Variants in ERC2 observed in about 807,000 individuals in gnomAD.
The protein encoded by ERC2 is ELKS/RAB6-interacting/CAST family member 2.
In ERC2, 42 loss-of-function variants were observed where a neutral mutation model predicts 114.8. That is an observed-to-expected ratio of 0.37 (90% confidence interval 0.29 to 0.47). The LOEUF is 0.47. ERC2 is among the 20% of genes least tolerant of loss of function. ERC2 has a pLI of 0.99. For missense variants in ERC2, 939 were observed against 1,150.7 expected (o/e 0.82, Z 2.66); for synonymous variants, 454 against 425.5 (o/e 1.07, Z -0.82).
rs574032900 is a variant in ERC2 at position 56,305,831 on chromosome 3, A to T, written c.658-9396T>A. 2.2e-3 allele frequency among the ~76,000 whole-genome samples: 335 copies of T among 152,286 alleles called. 3 individuals carry two copies. Among genetic ancestry groups the T allele is most frequent in the South Asian group, 0.021 (103 of 4,832 alleles). Reference sequence around the variant, plus strand: ...TAGTGGAACACAGCCATATCCATTGACATATATATTGTCTTTTTTTTGTTT... The same window carrying T: ...TAGTGGAACACAGCCATATCCATTGTCATATATATTGTCTTTTTTTTGTTT... On this transcript the variant is annotated intron_variant, in intron 2 of 17. Coordinates refer to ENST00000288221, the MANE Select transcript of ERC2 (RefSeq NM_015576.3).
intron 14 of ERC2, among the ~76,000 whole-genome samples, chr3:55,878,856 A>G (rs1004291216): frequency 2.0e-5 from 3 of 152,208 alleles, no homozygotes; most frequent in Admixed American, 6.5e-5. Flanking sequence ...CAAGGCAGGG[A>G]TAGTGAAGGA....
chr3:55,893,492 A>T (rs1231909793), intron 13 of ERC2, among the ~76,000 whole-genome samples: 1 of 152,058 alleles, frequency 6.6e-6, no homozygotes, highest in African/African-American at 2.4e-5. Context: ...TGGATGTCCT[A>T]ATATTACTTT....
intron 6 of ERC2, among the ~76,000 whole-genome samples, chr3:56,082,417 C>T (rs532284951): frequency 2.0e-5 from 3 of 152,162 alleles, no homozygotes; most frequent in Admixed American, 2.0e-4. Flanking sequence ...TTTCCAGCCT[C>T]TGTAACTGTA....
At chr3:55,705,602 C>G (rs1039267106) in intron 15 of ERC2, among the ~76,000 whole-genome samples, 1 of 151,272 alleles carries the variant, frequency 6.6e-6, no homozygotes, top group African/African-American at 2.4e-5. Flanking sequence ...CTCTTGGCAT[C>G]TGTGTGTTTA....
chr3:56,387,281 G>A (rs1323970477), intron 2 of ERC2, among the ~76,000 whole-genome samples: 1 of 152,008 alleles, frequency 6.6e-6, no homozygotes, highest in Admixed American at 6.6e-5. Flanking sequence ...TTGTTATAGA[G>A]CCCCAAAACC....
intron 10 of ERC2, among the ~76,000 whole-genome samples, chr3:56,004,609 A>G (rs2072331830): frequency 6.6e-6 from 1 of 152,040 alleles, no homozygotes; most frequent in African/African-American, 2.4e-5. Flanking sequence ...AGACAAAAAT[A>G]AGTTTAAATC....
At chr3:55,698,256 G>A (rs1482990254) in intron 16 of ERC2, among the ~76,000 whole-genome samples, 1 of 152,008 alleles carries the variant, frequency 6.6e-6, no homozygotes, top group Non-Finnish European at 1.5e-5. Context: ...CAGGGGCTGG[G>A]GAGCCTCCTG....
At position 55,627,743 on chromosome 3, in the gene ERC2, T is replaced by A. The variant is rs555067775; in HGVS notation, c.*39+56051A>T. On this transcript the variant is annotated intron_variant, in intron 17 of 17. Coordinates refer to ENST00000288221, the MANE Select transcript of ERC2 (RefSeq NM_015576.3). ...AAAGTGTCTTTCCATGGGCCACAGG[T>A]CATGAAAGAGACAGAAGCAGGACTG... 2.0e-5 allele frequency among the ~76,000 whole-genome samples: 3 copies of A among 152,238 alleles called. No individual in the cohort carries two copies. In the South Asian group the frequency reaches 6.2e-4, roughly 32 times the overall value.
chr3:55,621,392 A>G (rs982727224), intron 17 of ERC2, among the ~76,000 whole-genome samples: 3 of 152,186 alleles, frequency 2.0e-5, no homozygotes, highest in African/African-American at 7.2e-5. Context: ...GTGGGTGACA[A>G]CAAAGAAAGA....
rs929020052 is a variant in ERC2 at position 56,266,626 on chromosome 3, T to C, written c.1074+29393A>G. Among the ~76,000 whole-genome samples the C allele has an allele frequency of 3.9e-5, 6 of 152,254 alleles. No individual in the cohort carries two copies. The East Asian group carries it at 9.7e-4, about 25-fold the overall frequency. ...AAAAACAAGAGGTAGCCAGGTGAGG[T>C]GGCACATGCCTTTAGTCCCAGCTAC... On this transcript the variant is annotated intron_variant, in intron 3 of 17. Coordinates refer to ENST00000288221, the MANE Select transcript of ERC2 (RefSeq NM_015576.3).
At chr3:55,908,662 C>T (rs1198572728) in intron 13 of ERC2, among the ~76,000 whole-genome samples, 1 of 152,116 alleles carries the variant, frequency 6.6e-6, no homozygotes, top group African/African-American at 2.4e-5. Flanking sequence ...CGCAGTTTTC[C>T]TTGCTATAAA....
chr3:56,439,178 A>AATG (rs1419344170), intron 1 of ERC2, among the ~76,000 whole-genome samples: 3 of 152,070 alleles, frequency 2.0e-5, no homozygotes, highest in African/African-American at 7.2e-5. Context: ...GGGAATGTTG[A>AATG]CTCCTGCTGT....
intron 2 of ERC2, among the ~76,000 whole-genome samples, chr3:56,385,330 C>T (rs1255257926): frequency 6.6e-6 from 1 of 152,044 alleles, no homozygotes; most frequent in Non-Finnish European, 1.5e-5. Flanking sequence ...TCTATAGGGG[C>T]ACTAATTCCA....
In ERC2 at chr3:56,258,295, G is replaced by A. The variant is rs192059574; in HGVS notation, c.1074+37724C>T. On this transcript the variant is annotated intron_variant, in intron 3 of 17. Transcript: ENST00000288221. The stretch of plus-strand genomic sequence containing the variant: ...ATACAGTCTCTGTCACAGCTACTCA[G>A]CTCTCTTGCTATAGCCTGAATGCAG... Among the ~76,000 whole-genome samples, 3 of 152,256 alleles carry A rather than the reference G, an allele frequency of 2.0e-5. No homozygotes were observed. In the East Asian group the frequency reaches 5.8e-4, roughly 29 times the overall value.
chr3:55,569,393 G>A (rs2056570990), intron 17 of ERC2, among the ~76,000 whole-genome samples: 1 of 152,152 alleles, frequency 6.6e-6, no homozygotes, highest in South Asian at 2.1e-4. Context: ...TGCAGAACCA[G>A]TTGGGTCCCT....
rs562729121 is a variant in ERC2 at position 56,189,936 on chromosome 3, A to T, written c.1075-16416T>A. Among the ~76,000 whole-genome samples the T allele has an allele frequency of 5.9e-5, 9 of 152,346 alleles. No homozygotes were observed. In the East Asian group the frequency reaches 1.5e-3, roughly 26 times the overall value. Reference sequence around the variant, plus strand: ...GAGGAAAACTGAAGCAAAAGGACTGACATAAGTGACAACACATGAAAGCCC... The same window carrying T: ...GAGGAAAACTGAAGCAAAAGGACTGTCATAAGTGACAACACATGAAAGCCC... On this transcript the variant is annotated intron_variant, in intron 3 of 17. Coordinates refer to ENST00000288221, the MANE Select transcript of ERC2 (RefSeq NM_015576.3).
At chr3:56,320,889 C>G (rs1239351697) in intron 2 of ERC2, among the ~76,000 whole-genome samples, 2 of 152,150 alleles carry the variant, frequency 1.3e-5, no homozygotes, top group East Asian at 3.8e-4. Context: ...GTTTATTTCT[C>G]ATTCATGTTA....
chr3:55,830,712 G>A (rs1468456139), intron 14 of ERC2, among the ~76,000 whole-genome samples: 2 of 152,192 alleles, frequency 1.3e-5, no homozygotes, highest in Non-Finnish European at 2.9e-5. Flanking sequence ...GGAAGTCTGA[G>A]GTGGGAGGAT....
chr3:56,116,824 A>G (rs1204074604), intron 6 of ERC2, among the ~76,000 whole-genome samples: 2 of 151,936 alleles, frequency 1.3e-5, no homozygotes, highest in Non-Finnish European at 2.9e-5. Context: ...CACCTCTTTC[A>G]TGTTCCTTGT....
Sources: gnomAD v4.1 joint callset for allele counts (sites outside exome capture counted in the v4.1 genomes callset) on GRCh38, gnomAD v4.1.1 for gene constraint, MANE v1.5 for transcripts, NCBI Gene and HGNC (gene_info 2026-07-23, HGNC 2026-07-21) for gene names.